Variants in CTNNA3 observed in about 807,000 individuals in gnomAD.
The protein encoded by CTNNA3 is catenin alpha 3.
A neutral mutation model predicts 95.7 loss-of-function variants in CTNNA3; 76 were observed. That is an observed-to-expected ratio of 0.79 (90% confidence interval 0.66 to 0.96). The LOEUF (loss-of-function observed/expected upper bound fraction) is 0.96. CTNNA3 is among the 40% of genes least tolerant of loss of function. The pLI, the probability that CTNNA3 is intolerant of heterozygous loss-of-function variation, is 0.00. For missense variants in CTNNA3, 1,191 were observed against 1,089.8 expected (o/e 1.09, Z -1.31); for synonymous variants, 431 against 374.4 (o/e 1.15, Z -1.74).
intron 16 of CTNNA3, among the ~76,000 whole-genome samples, chr10:65,987,204 C>A (rs1303720607): frequency 2.0e-5 from 3 of 151,868 alleles, no homozygotes; most frequent in African/African-American, 4.8e-5. Context: ...GGGATTATAT[C>A]AAACTAAAAA....
chr10:66,617,681 A>C (rs1195554305), intron 10 of CTNNA3, among the ~76,000 whole-genome samples: 1 of 152,144 alleles, frequency 6.6e-6, no homozygotes, highest in Non-Finnish European at 1.5e-5. Context: ...CACCACTCCT[A>C]TTCAACATAG....
chr10:66,494,569 C>T lies in CTNNA3; in HGVS notation c.1531+26048G>A, dbSNP rs532679699. On this transcript the variant is annotated intron_variant, in intron 11 of 17. Coordinates refer to ENST00000433211, the MANE Select transcript of CTNNA3 (RefSeq NM_013266.4). ...GTATGACATTGGGTAATAGGCCACC[C>T]ACAGTAATATCTTCCAAACTCTTAA... Among the ~76,000 whole-genome samples the T allele has an allele frequency of 4.6e-5, 7 of 152,168 alleles. No individual in the cohort carries two copies. In the South Asian group the frequency reaches 1.5e-3, roughly 32 times the overall value.
chr10:66,627,647 A>G (rs541750504), intron 9 of CTNNA3, among the ~76,000 whole-genome samples: 3 of 152,208 alleles, frequency 2.0e-5, no homozygotes, highest in African/African-American at 7.2e-5. Context: ...TTTCTGTGAA[A>G]GGCAACTTCT....
intron 5 of CTNNA3, among the ~76,000 whole-genome samples, chr10:67,485,284 A>G (rs529166268): frequency 7.4e-4 from 113 of 152,176 alleles, no homozygotes; most frequent in Non-Finnish European, 1.4e-3. Context: ...TCATGGGCAT[A>G]AGGATAGCAA....
intron 5 of CTNNA3, among the ~76,000 whole-genome samples, chr10:67,478,978 A>C (rs1229654984): frequency 6.6e-6 from 1 of 152,218 alleles, no homozygotes; most frequent in East Asian, 1.9e-4. Flanking sequence ...TTCTTTTATC[A>C]GATAAAACCA....
intron 5 of CTNNA3, among the ~76,000 whole-genome samples, chr10:67,430,636 A>G (rs1034351272): frequency 6.6e-6 from 1 of 151,900 alleles, no homozygotes; most frequent in Admixed American, 6.6e-5. Context: ...TCATTCATTT[A>G]TTCAAAAATA....
At chr10:67,250,169 A>G (rs1409342190) in intron 5 of CTNNA3, among the ~76,000 whole-genome samples, 2 of 152,050 alleles carry the variant, frequency 1.3e-5, no homozygotes, top group Non-Finnish European at 2.9e-5. Flanking sequence ...CCAAACATGG[A>G]TCCAAAAGAC....
intron 12 of CTNNA3, among the ~76,000 whole-genome samples, chr10:66,371,424 A>C (rs1488360192): frequency 3.9e-5 from 6 of 152,262 alleles, no homozygotes; most frequent in Admixed American, 3.9e-4. Context: ...TGGTATCATA[A>C]TACCTTGTTT....
chr10:67,387,753 C>T (rs1240583801), intron 5 of CTNNA3, among the ~76,000 whole-genome samples: 1 of 152,240 alleles, frequency 6.6e-6, no homozygotes, highest in Non-Finnish European at 1.5e-5. Context: ...TCCCTGACCC[C>T]TGACCTCTGA....
chr10:66,145,835 G>A (rs1380136260), intron 13 of CTNNA3, among the ~76,000 whole-genome samples: 1 of 152,102 alleles, frequency 6.6e-6, no homozygotes, highest in African/African-American at 2.4e-5. Flanking sequence ...GTTATCAGCT[G>A]CACTCACTCA....
At chr10:66,840,512 C>T (rs1174696457) in intron 7 of CTNNA3, among the ~76,000 whole-genome samples, 1 of 151,906 alleles carries the variant, frequency 6.6e-6, no homozygotes, top group Non-Finnish European at 1.5e-5. Context: ...ATTCTCAGCA[C>T]CTGATGTACC....
At chr10:65,998,683 A>G (rs943714388) in intron 15 of CTNNA3, among the ~76,000 whole-genome samples, 5 of 152,228 alleles carry the variant, frequency 3.3e-5, no homozygotes, top group Admixed American at 6.5e-5. Context: ...TTAAGAAAAG[A>G]CAGGGAGTGA....
At chr10:67,685,750 T>C (rs1017912116) in intron 1 of CTNNA3, among the ~76,000 whole-genome samples, 1 of 152,174 alleles carries the variant, frequency 6.6e-6, no homozygotes, top group Admixed American at 6.5e-5. Flanking sequence ...TTTTCTTTAC[T>C]ACTTCTATCT....
chr10:66,633,697 A>T lies in CTNNA3; in HGVS notation c.1282-11913T>A, dbSNP rs568462931. Among the ~76,000 whole-genome samples the T allele has an allele frequency of 7.9e-5, 12 of 152,218 alleles. No individual in the cohort carries two copies. The South Asian group carries it at 2.5e-3, about 32-fold the overall frequency. On this transcript the variant is annotated intron_variant, in intron 9 of 17. Transcript: ENST00000433211. ...TCCATCTCAAAAAAAAAAATTATTT[A>T]CTTAAAATTATGTATAAATGCAAAG...
chr10:65,941,016 A>G (rs2077422047), intron 17 of CTNNA3, among the ~76,000 whole-genome samples: 1 of 152,246 alleles, frequency 6.6e-6, no homozygotes, highest in African/African-American at 2.4e-5. Context: ...ATGGATATAG[A>G]TAAGAAAAAG....
chr10:67,660,435 C>G (rs1840146063), intron 1 of CTNNA3, among the ~76,000 whole-genome samples: 1 of 151,988 alleles, frequency 6.6e-6, no homozygotes, highest in Admixed American at 6.6e-5. Flanking sequence ...CATTTGGGGA[C>G]ATGGTGGGCA....
At chr10:66,350,550 A>G (rs1193351879) in intron 12 of CTNNA3, among the ~76,000 whole-genome samples, 3 of 151,750 alleles carry the variant, frequency 2.0e-5, no homozygotes, top group Non-Finnish European at 4.4e-5. Flanking sequence ...GAAAAAAAAA[A>G]TTGGGGAAGA....
chr10:67,533,730 G>A (rs769719924), intron 4 of CTNNA3, among the ~76,000 whole-genome samples: 1 of 152,106 alleles, frequency 6.6e-6, no homozygotes, highest in Non-Finnish European at 1.5e-5. Context: ...CTCAGACTGT[G>A]TCCTTGTAAA....
At chr10:66,644,959 C>T (rs1047547907) in intron 9 of CTNNA3, among the ~76,000 whole-genome samples, 3 of 152,092 alleles carry the variant, frequency 2.0e-5, no homozygotes, top group Non-Finnish European at 2.9e-5. Context: ...CTAACTATTC[C>T]CCATTTCTAA....
Sources: allele counts gnomAD v4.1 joint callset (sites outside exome capture counted in the v4.1 genomes callset), GRCh38; gene constraint gnomAD v4.1.1; transcripts MANE v1.5; gene names NCBI Gene and HGNC (gene_info 2026-07-23, HGNC 2026-07-21).